The following SLC1A6 variants were observed in gnomAD, a reference collection of about 807,000 sequenced individuals.
The protein encoded by SLC1A6 is excitatory amino acid transporter 4.
SLC1A6 carries 15 observed loss-of-function variants against 42.1 expected under a neutral mutation model. The ratio of observed to expected loss-of-function variants is 0.36; its 90% CI spans 0.24 to 0.55. The LOEUF (loss-of-function observed/expected upper bound fraction) is 0.55. Ranked by LOEUF, SLC1A6 falls within the 20% of genes least tolerant of loss-of-function variation. SLC1A6 has a pLI of 0.88. For synonymous variants in SLC1A6, 317 were observed against 319.7 expected, an observed-to-expected ratio of 0.99 and a Z score of 0.09; for missense variants, 542 against 772.5, an observed-to-expected ratio of 0.70 and a Z score of 3.54.
chr19:14,993,208 T>A (rs940694768), intron 1 of SLC1A6, among the ~76,000 whole-genome samples: 10 of 152,194 alleles, frequency 6.6e-5, no homozygotes, highest in Non-Finnish European at 1.5e-4. Flanking sequence ...TCTGCACTTA[T>A]ATTTATATAA....
rs534841622 is a variant in SLC1A6, at chr19:15,009,173, T to C, written c.6+1312A>G. Among the ~76,000 whole-genome samples the C allele has an allele frequency of 5.3e-5, 8 of 151,532 alleles. No homozygotes were observed. In the East Asian group the frequency reaches 1.6e-3, roughly 29 times the overall value. On this transcript the variant is annotated intron_variant, in intron 1 of 8. Coordinates refer to the SLC1A6 transcript ENST00000430939. ...AGATATGCTATCTAGACAGCATATATATAGCATATCTATACCAAATACATA... is the reference window on the plus strand; with the variant it reads ...AGATATGCTATCTAGACAGCATATACATAGCATATCTATACCAAATACATA...
intron 1 of SLC1A6, among the ~76,000 whole-genome samples, chr19:14,994,904 G>T (rs1298483577): frequency 6.6e-6 from 1 of 152,120 alleles, no homozygotes; most frequent in African/African-American, 2.4e-5. Flanking sequence ...AGGAAATCCT[G>T]CCATTTGCAA....
At position 14,997,101 on chromosome 19, in the gene SLC1A6, G is replaced by A. The variant is rs181017449; in HGVS notation, c.6+13384C>T. 2.4e-3 allele frequency among the ~76,000 whole-genome samples: 372 copies of A among 152,264 alleles called. 2 individuals are homozygous for A. The highest frequency in any genetic ancestry group is 8.5e-3 in the South Asian group (41 of 4,816). ...AAAGAGCTACATATCTCCCTCACAA[G>A]GAATTTCCTTGCAGGCAAAGGACAG... On this transcript the variant is annotated intron_variant, in intron 1 of 8. Transcript: ENST00000430939.
At position 14,998,763 on chromosome 19, in the gene SLC1A6, C is replaced by G. The variant is rs146645976; in HGVS notation, c.6+11722G>C. Among the ~76,000 whole-genome samples, 523 of 152,290 alleles carry G rather than the reference C, an allele frequency of 3.4e-3. 4 individuals carry two copies. The highest frequency in any genetic ancestry group is 0.012 in the African/African-American group (500 of 41,574). On this transcript the variant is annotated intron_variant, in intron 1 of 8. Transcript: ENST00000430939. ...CTGTCTCTTGTGAGGAAAATCTACA[C>G]TTTTTGGAGCATCCCTTCTCCTTTC...
chr19:14,980,700 T>C (rs1328220477), upstream of SLC1A6, among the ~76,000 whole-genome samples: 1 of 151,836 alleles, frequency 6.6e-6, no homozygotes, highest in Admixed American at 6.6e-5. Context: ...TTTTTTATTA[T>C]TGTTGTTGTT....
At chr19:14,951,265 A>G (rs929143035) in intron 9 of SLC1A6, among the ~76,000 whole-genome samples, 1 of 107,396 alleles carries the variant, frequency 9.3e-6, no homozygotes, top group Non-Finnish European at 2.0e-5. Flanking sequence ...AAAAAAAAAA[A>G]AAAAAAAAAA....
At chr19:14,966,422 T>A (rs928918911) in intron 4 of SLC1A6, among the ~76,000 whole-genome samples, 1 of 152,048 alleles carries the variant, frequency 6.6e-6, no homozygotes, top group African/African-American at 2.4e-5. Context: ...GAGGCGGAGG[T>A]TGCAGTGAGC....
At chr19:14,999,961 C>T (rs1170954885) in intron 1 of SLC1A6, among the ~76,000 whole-genome samples, 2 of 152,090 alleles carry the variant, frequency 1.3e-5, no homozygotes, top group Admixed American at 1.3e-4. Context: ...CGTCATTTAA[C>T]ATTAGGTATG....
rs183797820 is a variant in SLC1A6 at position 14,967,588 on chromosome 19, T to C, written c.548+715A>G. Among the ~76,000 whole-genome samples the C allele has an allele frequency of 9.2e-5, 14 of 152,310 alleles. No individual in the cohort carries two copies. The East Asian group carries it at 2.3e-3, about 25-fold the overall frequency. Reference sequence around the variant, plus strand: ...CATAAGACTGATAGAACAGGCTCTTTGGGGCAATAAGATACCAAATTATAA... The same window carrying C: ...CATAAGACTGATAGAACAGGCTCTTCGGGGCAATAAGATACCAAATTATAA... On this transcript the variant is annotated intron_variant, in intron 4 of 9. Coordinates refer to ENST00000594383, the MANE Select transcript of SLC1A6 (RefSeq NM_005071.3).
intron 5 of SLC1A6, 195 bp downstream of exon 5, chr19:14,964,124 C>T (rs1456554314): frequency 2.3e-5 from 13 of 572,866 alleles, no homozygotes; most frequent in Non-Finnish European, 3.8e-5. Flanking sequence ...CCACCATTCT[C>T]GGACCTAAGT....
chr19:14,995,631 A>AAT (rs1474582682), intron 1 of SLC1A6, among the ~76,000 whole-genome samples: 4 of 152,006 alleles, frequency 2.6e-5, no homozygotes, highest in African/African-American at 9.7e-5. Context: ...GTCATTCCAC[A>AAT]ATATATATAT....
intron 6 of SLC1A6, chr19:14,961,723 G>A: frequency 2.6e-6 from 1 of 391,874 alleles, no homozygotes; most frequent in Non-Finnish European, 4.6e-6. Context: ...AGCAGTGAAT[G>A]AATCATTGCA....
chr19:14,960,155 G>A (rs2045496930), intron 6 of SLC1A6, among the ~76,000 whole-genome samples: 1 of 152,050 alleles, frequency 6.6e-6, no homozygotes, highest in Non-Finnish European at 1.5e-5. Context: ...ATTAACAACT[G>A]GATGAATAAG....
intron 1 of SLC1A6, among the ~76,000 whole-genome samples, chr19:15,006,609 C>T (rs1025424962): frequency 6.6e-6 from 1 of 151,030 alleles, no homozygotes; most frequent in Non-Finnish European, 1.5e-5. Flanking sequence ...TCTTGACTGT[C>T]GCACCTCTCA....
intron 1 of SLC1A6, among the ~76,000 whole-genome samples, chr19:14,997,004 A>T (rs1347774211): frequency 6.6e-6 from 1 of 152,174 alleles, no homozygotes; most frequent in African/African-American, 2.4e-5. Context: ...CCAAAGGGAA[A>T]AGTCAAGCTG....
At position 14,979,039 on chromosome 19, in the gene SLC1A6, C is replaced by G. The variant is rs2045742056; in HGVS notation, c.-8+270G>C. ...GATCCCACTCACAAATTCAGTCTCT[C>G]TCTCTCTCTGTCACACACACACACA... On this transcript the variant is annotated intron_variant, in intron 1 of 9. Coordinates refer to ENST00000594383, the MANE Select transcript of SLC1A6 (RefSeq NM_005071.3). The surrounding 1 kb of genome is among the most constrained non-coding windows in gnomAD (Gnocchi z 4.2). Among the ~76,000 whole-genome samples, 1 of 140,570 alleles carries G rather than the reference C, an allele frequency of 7.1e-6. No individual in the cohort carries two copies. 92.2% of individuals were successfully genotyped at this position (140,570 alleles called of 152,430 possible). A position where few individuals can be genotyped will look rare whatever the true frequency, so the allele number is the denominator to read the frequency against.
intron 1 of SLC1A6, 64 bp from the exon 2 acceptor site, chr19:14,972,981 G>T: frequency 7.7e-7 from 1 of 1,306,378 alleles, no homozygotes; most frequent in Non-Finnish European, 1.0e-6. Flanking sequence ...GTGGGCAGAT[G>T]GCGAAGGCTG....
At chr19:15,000,445 A>G (rs1478395407) in intron 1 of SLC1A6, among the ~76,000 whole-genome samples, 2 of 152,176 alleles carry the variant, frequency 1.3e-5, no homozygotes, top group African/African-American at 2.4e-5. Flanking sequence ...TACCTTCCAC[A>G]TATAAGTGAG....
intron 7 of SLC1A6, among the ~76,000 whole-genome samples, chr19:14,954,979 A>T (rs1462045509): frequency 6.6e-6 from 1 of 152,084 alleles, no homozygotes; most frequent in Non-Finnish European, 1.5e-5. Context: ...ACCAGCATTG[A>T]CCTCAGCTGT....
Sources: gnomAD v4.1 joint callset for allele counts (sites outside exome capture counted in the v4.1 genomes callset) on GRCh38, gnomAD v4.1.1 for gene constraint, Gnocchi (gnomAD v3.1) non-coding constraint, MANE v1.5 for transcripts, NCBI Gene and HGNC (gene_info 2026-07-23, HGNC 2026-07-21) for gene names.